The following EDEM3 variants were observed in gnomAD, a reference collection of about 807,000 sequenced individuals.
EDEM3 encodes the protein ER degradation enhancing alpha-mannosidase like protein 3, also known as ER degradation-enhancing alpha-mannosidase-like protein 3.
A neutral mutation model predicts 110.2 loss-of-function variants in EDEM3; 60 were observed. The ratio of observed to expected loss-of-function variants is 0.54; its 90% CI spans 0.44 to 0.67. The LOEUF is 0.67. Ranked by LOEUF, EDEM3 falls within the 30% of genes least tolerant of loss-of-function variation. EDEM3 has a pLI of 0.00. For synonymous variants in EDEM3, 352 were observed against 382.9 expected, an observed-to-expected ratio of 0.92 and a Z score of 0.94; for missense variants, 996 against 1,121.0, an observed-to-expected ratio of 0.89 and a Z score of 1.59.
chr1:184,735,564 T>A (rs1651775887), intron 4 of EDEM3, among the ~76,000 whole-genome samples: 1 of 152,240 alleles, frequency 6.6e-6, no homozygotes, highest in Non-Finnish European at 1.5e-5. Flanking sequence ...GATAATAATT[T>A]GTTGTGCTTT....
chr1:184,753,604 C>G (rs1047770043), intron 1 of EDEM3, among the ~76,000 whole-genome samples: 1 of 151,498 alleles, frequency 6.6e-6, no homozygotes, highest in African/African-American at 2.4e-5. Context: ...CCTTTTTTTT[C>G]TATTCCTTAA....
chr1:184,733,007 G>A lies in EDEM3; in HGVS notation c.459-17C>T. On this transcript the variant is annotated splice_polypyrimidine_tract_variant and intron_variant, in intron 5 of 19. Transcript: ENST00000318130. The stretch of plus-strand genomic sequence containing the variant: ...AAAAGACCCCTAGGATCACAGAGAT[G>A]AAACATTATCCATATCTTATAGACA... The A allele has an allele frequency of 6.2e-7, 1 of 1,611,164 alleles. No individual in the cohort carries two copies. Among genetic ancestry groups the A allele is most frequent in the African/African-American group, 1.3e-5 (1 of 74,936 alleles).
chr1:184,754,505 C>G lies in EDEM3; in HGVS notation c.142G>C (p.Glu48Gln). 1 of 1,613,336 alleles carries G rather than the reference C, an allele frequency of 6.2e-7. No homozygotes were observed. The highest frequency in any genetic ancestry group is 8.5e-7 in the Non-Finnish European group (1 of 1,179,828). The part of the protein sequence containing the change: ...TAGAEPMSRE[E>Q]KQKLGNQVLE... ...CACCCTTACCCAAGCTTCTGTTTCTCCTCCCTACTCATGGGCTCGGCCCCC... is the reference window on the plus strand; with the variant it reads ...CACCCTTACCCAAGCTTCTGTTTCTGCTCCCTACTCATGGGCTCGGCCCCC... The change falls in exon 1 of 20, where the codon GAG becomes CAG. Residue 48 changes from glutamate to glutamine, a missense_variant. Physicochemically the swap from Glu to Gln is conservative, Grantham distance 29. This residue lies in a region of EDEM3 where 200 missense variants were observed against 183.8 expected (regional missense o/e 1.09). Transcript: ENST00000318130.
intron 19 of EDEM3, among the ~76,000 whole-genome samples, chr1:184,698,987 C>A (rs543171233): frequency 2.0e-5 from 3 of 151,796 alleles, no homozygotes; most frequent in African/African-American, 7.3e-5. Context: ...TCCTAAGGTG[C>A]CTGTTTTCAC....
intron 2 of EDEM3, among the ~76,000 whole-genome samples, chr1:184,743,429 G>A (rs947406458): frequency 6.6e-6 from 1 of 152,078 alleles, no homozygotes; most frequent in Non-Finnish European, 1.5e-5. Context: ...CAGATGATGA[G>A]AGTCCTATAT....
At chr1:184,751,381 G>T (rs141714368) in intron 1 of EDEM3, among the ~76,000 whole-genome samples, 205 of 151,954 alleles carry the variant, frequency 1.3e-3, no homozygotes, top group African/African-American at 4.7e-3. Context: ...GTAGTGCCTA[G>T]ACATGTATAT....
intron 2 of EDEM3, among the ~76,000 whole-genome samples, chr1:184,743,578 A>G (rs927490948): frequency 1.3e-5 from 2 of 152,156 alleles, no homozygotes; most frequent in Non-Finnish European, 2.9e-5. Flanking sequence ...TAAACCACTC[A>G]AGTCAAAGCA....
At chr1:184,702,029 G>A (rs926572830) in intron 19 of EDEM3, among the ~76,000 whole-genome samples, 1 of 152,052 alleles carries the variant, frequency 6.6e-6, no homozygotes, top group African/African-American at 2.4e-5. Context: ...GGGTATGGGA[G>A]AACTTTAGCT....
rs1420667458 is a variant in EDEM3 at position 184,692,478 on chromosome 1, T to A, written c.*1585A>T. ...GAAAAGAATATGTTTACCTGGGATC[T>A]AAACATACTGTACACGAATATACAT... On this transcript the variant is annotated 3_prime_UTR_variant, in exon 20 of 20. Transcript: ENST00000318130. The A allele has an allele frequency of 3.3e-5, 5 of 152,134 alleles. No individual in the cohort carries two copies. The highest frequency in any genetic ancestry group is 7.4e-5 in the Non-Finnish European group (5 of 67,982). 9.4% of individuals were successfully genotyped at this position (152,134 alleles called of 1,614,324 possible).
intron 2 of EDEM3, among the ~76,000 whole-genome samples, chr1:184,743,662 G>A (rs1054246111): frequency 6.6e-6 from 1 of 152,026 alleles, no homozygotes; most frequent in Non-Finnish European, 1.5e-5. Flanking sequence ...AAAGCTGAAA[G>A]ACTTAAACTG....
intron 7 of EDEM3, among the ~76,000 whole-genome samples, chr1:184,726,005 A>G (rs1347338107): frequency 6.6e-6 from 1 of 152,174 alleles, no homozygotes; most frequent in East Asian, 1.9e-4. Flanking sequence ...TATGGCTAAA[A>G]AAATTTCTAA....
At position 184,754,351 on chromosome 1, in the gene EDEM3, C is replaced by G. The variant is rs578049970; in HGVS notation, c.158+138G>C. ...TCCCACCTCCCCGGACCCTGTCCACCCCTCTAGGGTTCTCGCGCGGGAAGA... is the reference window on the plus strand; with the variant it reads ...TCCCACCTCCCCGGACCCTGTCCACGCCTCTAGGGTTCTCGCGCGGGAAGA... On this transcript the variant is annotated intron_variant, in intron 1 of 19. Transcript: ENST00000318130. 7.3e-6 allele frequency: 10 copies of G among 1,365,990 alleles called. No individual in the cohort carries two copies. In the East Asian group the frequency reaches 2.2e-4, roughly 30 times the overall value. The allele number at this position is 1,365,990 out of a possible 1,614,324, so 84.6% of individuals were successfully genotyped here. A position where few individuals can be genotyped will look rare whatever the true frequency, so the allele number is the denominator to read the frequency against.
chr1:184,720,409 C>A lies in EDEM3; in HGVS notation c.952-841G>T, dbSNP rs796321106. On this transcript the variant is annotated intron_variant, in intron 9 of 19. Transcript: ENST00000318130. ...TATAAATAGTACTAGTACTCCCATT[C>A]TGTAGATGAGAAACAGAGGCAAATA... is the stretch of plus-strand genomic sequence containing the variant. The A allele has an allele frequency of 5.9e-5, 9 of 151,906 alleles. 1 individual carries two copies. Among genetic ancestry groups the A allele is most frequent in the African/African-American group, 1.9e-4 (8 of 41,346 alleles). The allele number at this position is 151,906 out of a possible 1,614,324, so 9.4% of individuals were successfully genotyped here.
At chr1:184,718,045 G>A (rs537002283) in intron 11 of EDEM3, among the ~76,000 whole-genome samples, 27 of 152,004 alleles carry the variant, frequency 1.8e-4, no homozygotes, top group Middle Eastern at 3.4e-3. Flanking sequence ...TATATGACAT[G>A]ATGTTTTGAT....
chr1:184,713,101 A>G (rs527889926), intron 13 of EDEM3, among the ~76,000 whole-genome samples: 1 of 152,238 alleles, frequency 6.6e-6, no homozygotes, highest in Non-Finnish European at 1.5e-5. Flanking sequence ...CCCCGTCTCT[A>G]CTAAAAATAC....
rs146487756 is a variant in EDEM3, at chr1:184,749,518, T to C, written c.204+29A>G. The stretch of plus-strand genomic sequence containing the variant: ...TCACATAATAATCAACTCACATAAA[T>C]GGTAGGTAAAGATAAGCTTCCTACT... On this transcript the variant is annotated intron_variant, in intron 2 of 19. Transcript: ENST00000318130. The C allele has an allele frequency of 6.7e-6, 10 of 1,488,058 alleles. No homozygotes were observed. In the East Asian group the frequency reaches 1.2e-4, roughly 17 times the overall value. 92.2% of individuals were successfully genotyped at this position (1,488,058 alleles called of 1,614,324 possible).
intron 19 of EDEM3, among the ~76,000 whole-genome samples, chr1:184,701,129 G>A (rs551235780): frequency 2.0e-5 from 3 of 152,032 alleles, no homozygotes; most frequent in East Asian, 1.9e-4. Flanking sequence ...CCATAATCCT[G>A]TAGTCCTAAC....
chr1:184,706,527 G>C, intron 18 of EDEM3, 116 bp downstream of exon 18: 2 of 870,058 alleles, frequency 2.3e-6, no homozygotes, highest in Non-Finnish European at 3.4e-6. Context: ...TTGTTGTCTA[G>C]GTGAGGTAAA....
chr1:184,708,289 T>C lies in EDEM3; in HGVS notation c.1901A>G (p.Glu634Gly). 6.2e-7 allele frequency: 1 copy of C among 1,613,406 alleles called. No individual in the cohort carries two copies. Among genetic ancestry groups the C allele is most frequent in the South Asian group, 1.1e-5 (1 of 90,876 alleles). The change falls in exon 17 of 20, where the codon GAA becomes GGA. Residue 634 changes from glutamate to glycine, a missense_variant. Transcript: ENST00000318130. ...TTCTTTTTGTTGCTGACTTGACAAT[T>C]CAATCATCTCCTGCATGAACCTCAA... ...DGLRFMQEMI[E>G]LSSQQQKEQQ...
Sources: allele counts gnomAD v4.1 joint callset (sites outside exome capture counted in the v4.1 genomes callset), GRCh38; gene constraint gnomAD v4.1.1; regional missense constraint gnomAD v4.1.1; transcripts MANE v1.5; gene names NCBI Gene and HGNC (gene_info 2026-07-23, HGNC 2026-07-21).